The following CD81 variants were observed in gnomAD, a reference collection of about 807,000 sequenced individuals.
CD81 encodes CD81 antigen.
Under a neutral mutation model 30.1 loss-of-function variants are expected in CD81, and 10 were observed. That is an observed-to-expected ratio of 0.33 (90% CI 0.21 to 0.56). The LOEUF (loss-of-function observed/expected upper bound fraction) is 0.56, where lower values mean the gene tolerates loss of function less well. Among genes scored for constraint, CD81 ranks in the 20% least tolerant of loss-of-function variants. The probability of loss-of-function intolerance (pLI) is 0.89; values close to 1 mark genes in which losing one functional copy is unlikely to be tolerated. For missense variants in CD81, 263 were observed against 308.7 expected, an observed-to-expected ratio of 0.85 and a Z score of 1.11; for synonymous variants, 147 against 126.4, an observed-to-expected ratio of 1.16 and a Z score of -1.10.
upstream of CD81, chr11:2,377,187 T>A (rs1849606935): frequency 6.6e-6 from 1 of 152,278 alleles, no homozygotes; most frequent in Non-Finnish European, 1.5e-5. The surrounding 1 kb of genome is among the most constrained non-coding windows in gnomAD (Gnocchi z 7.7). Flanking sequence ...CCCATACCCC[T>A]CGGCTGCGCG....
intron 1 of CD81, chr11:2,386,109 C>G (rs1849793538): frequency 1.4e-6 from 1 of 717,284 alleles, no homozygotes; most frequent in South Asian, 1.5e-5. Flanking sequence ...ACTGGGTGCG[C>G]TCGGCATGTG....
intron 1 of CD81, among the ~76,000 whole-genome samples, chr11:2,383,372 C>A (rs810225): frequency 0.61 from 92,879 of 152,038 alleles, 32,031 homozygotes; most frequent in Non-Finnish European, 0.8. Context: ...ACTGCCCCTT[C>A]TTGGTGGGCA....
At chr11:2,380,421 GA>G (rs770879219) in intron 1 of CD81, among the ~76,000 whole-genome samples, 37 of 151,940 alleles carry the variant, frequency 2.4e-4, no homozygotes, top group Non-Finnish European at 4.0e-4. Context: ...TCACACACAC[GA>G]ATGTGCACAC....
At chr11:2,384,389 G>A (rs1849752240) in intron 1 of CD81, among the ~76,000 whole-genome samples, 1 of 135,432 alleles carries the variant, frequency 7.4e-6, no homozygotes, top group Non-Finnish European at 1.6e-5. Flanking sequence ...CCTGGGGTGG[G>A]GCGTCTCGTG....
At chr11:2,389,313 C>G (rs1849853737) in intron 1 of CD81, among the ~76,000 whole-genome samples, 1 of 152,208 alleles carries the variant, frequency 6.6e-6, no homozygotes, top group Non-Finnish European at 1.5e-5. Flanking sequence ...GATCACACGG[C>G]TGCAGTGTGC....
chr11:2,392,298 G>A (rs1193442759), intron 2 of CD81: 1 of 152,398 alleles, frequency 6.6e-6, no homozygotes, highest in African/African-American at 2.4e-5. Flanking sequence ...CGAGGACAGG[G>A]GACACCCCAG....
intron 1 of CD81, among the ~76,000 whole-genome samples, chr11:2,383,782 G>A (rs956718605): frequency 2.6e-5 from 4 of 152,214 alleles, no homozygotes; most frequent in African/African-American, 4.8e-5. Context: ...CATCGTCCTC[G>A]TCCCCCACTG....
chr11:2,380,671 C>T (rs967202169), intron 1 of CD81, among the ~76,000 whole-genome samples: 2 of 152,148 alleles, frequency 1.3e-5, no homozygotes, highest in South Asian at 2.1e-4. Flanking sequence ...TCAGAGGCGG[C>T]TGGCACCTGA....
At position 2,381,261 on chromosome 11, in the gene CD81, A is replaced by G. The variant is rs572289740; in HGVS notation, c.66+3646A>G. On this transcript the variant is annotated intron_variant, in intron 1 of 7. Transcript: ENST00000263645. The stretch of plus-strand genomic sequence containing the variant: ...GTCCAGCAGTGCAGGGCACAGAGCA[A>G]AAGCAGGGAGGTATGGGCCTACTTC... Among the ~76,000 whole-genome samples the G allele has an allele frequency of 2.0e-5, 3 of 152,334 alleles. No individual in the cohort carries two copies. The East Asian group carries it at 5.8e-4, about 29-fold the overall frequency.
At chr11:2,386,282 C>T (rs1212778392) in intron 1 of CD81, 1 of 665,266 alleles carries the variant, frequency 1.5e-6, no homozygotes, top group Non-Finnish European at 2.8e-6. Context: ...TTGGAAAGCT[C>T]TGCATACGTT....
intron 1 of CD81, among the ~76,000 whole-genome samples, chr11:2,383,895 T>C (rs1849741679): frequency 6.6e-6 from 1 of 151,594 alleles, no homozygotes; most frequent in Admixed American, 6.6e-5. Flanking sequence ...GCTGTGGGGG[T>C]GTGTGTGCTG....
chr11:2,395,216 G>A lies in CD81; in HGVS notation c.354+170G>A, dbSNP rs1184467561. 5.5e-6 allele frequency: 4 copies of A among 732,178 alleles called. No homozygotes were observed. The African/African-American group carries it at 7.0e-5, about 13-fold the overall frequency. 45.4% of individuals were successfully genotyped at this position (732,178 alleles called of 1,614,324 possible). On this transcript the variant is annotated intron_variant, in intron 4 of 7. Coordinates refer to ENST00000263645, the MANE Select transcript of CD81 (RefSeq NM_004356.4). Reference sequence around the variant, plus strand: ...GGCTTTATGGAGGAGGCAGCATTGGGGCTGAGCACCAGGCCAGCCTCCCGT... The same window carrying A: ...GGCTTTATGGAGGAGGCAGCATTGGAGCTGAGCACCAGGCCAGCCTCCCGT...
chr11:2,379,070 G>C (rs1021119465), intron 1 of CD81: 4 of 440,546 alleles, frequency 9.1e-6, no homozygotes, highest in African/African-American at 8.0e-5. Flanking sequence ...CATTTGGGAG[G>C]GGCTCGCCTT....
intron 1 of CD81, 134 bp from the exon 2 acceptor site, chr11:2,390,278 G>C (rs946477411): frequency 1.3e-6 from 1 of 780,628 alleles, no homozygotes; most frequent in Non-Finnish European, 2.3e-6. Flanking sequence ...GCGAAAACCA[G>C]CAGCAGAGCT....
chr11:2,389,776 C>T (rs920255042), intron 1 of CD81, among the ~76,000 whole-genome samples: 26 of 152,256 alleles, frequency 1.7e-4, no homozygotes, highest in Admixed American at 1.6e-3. Context: ...CCACAAACCC[C>T]GCAGGCCCTG....
chr11:2,394,270 C>A, intron 3 of CD81, 78 bp downstream of exon 3: 1 of 959,492 alleles, frequency 1.0e-6, no homozygotes, highest in Non-Finnish European at 1.6e-6. Context: ...GGGGGCAGAG[C>A]TGGTGCTCAG....
Position 2,397,267 on chromosome 11 carries a change from C to A in CD81, c.*401C>A. On this transcript the variant is annotated 3_prime_UTR_variant, in exon 8 of 8. Transcript: ENST00000263645. ...CACAGCTCACCTTGTTCCCTCCTGC[C>A]CCGGTTCGAGAGCCGAGTCTGTGGG... 3.3e-6 allele frequency: 1 copy of A among 300,012 alleles called. No homozygotes were observed. Among genetic ancestry groups the A allele is most frequent in the Admixed American group, 4.8e-5 (1 of 20,746 alleles). The allele number at this position is 300,012 out of a possible 1,614,324, so 18.6% of individuals were successfully genotyped here. A position where few individuals can be genotyped will look rare whatever the true frequency, so the allele number is the denominator to read the frequency against.
intron 1 of CD81, among the ~76,000 whole-genome samples, chr11:2,389,759 A>G (rs1849863578): frequency 6.6e-6 from 1 of 152,042 alleles, no homozygotes; most frequent in Non-Finnish European, 1.5e-5. Flanking sequence ...CACAGCAGGG[A>G]TGTATCCCAC....
At chr11:2,385,256 T>C (rs996057525) in intron 1 of CD81, among the ~76,000 whole-genome samples, 5 of 152,098 alleles carry the variant, frequency 3.3e-5, no homozygotes, top group African/African-American at 1.2e-4. Context: ...AGGGTACAAC[T>C]TGGTAAGTTT....
Sources: gnomAD v4.1 joint callset for allele counts (sites outside exome capture counted in the v4.1 genomes callset) on GRCh38, gnomAD v4.1.1 for gene constraint, Gnocchi (gnomAD v3.1) non-coding constraint, MANE v1.5 for transcripts, NCBI Gene and HGNC (gene_info 2026-07-23, HGNC 2026-07-21) for gene names.